The following ACOT7 variants were observed in gnomAD, a reference collection of about 807,000 sequenced individuals.
ACOT7 encodes the protein acyl-CoA thioesterase 7.
ACOT7 carries 12 observed loss-of-function variants against 40.2 expected under a neutral mutation model. The observed-to-expected ratio is 0.30, with a 90% CI of 0.19 to 0.48. ACOT7 has a LOEUF of 0.48. Ranked by LOEUF, ACOT7 falls within the 20% of genes least tolerant of loss-of-function variation. The pLI, the probability that ACOT7 is intolerant of heterozygous loss-of-function variation, is 0.99. For missense variants in ACOT7, 395 were observed against 530.8 expected (o/e 0.74, Z 2.51); for synonymous variants, 228 against 219.5 (o/e 1.04, Z -0.34).
chr1:6,389,394 GA>G (rs1642496725), intron 1 of ACOT7, among the ~76,000 whole-genome samples: 1 of 152,114 alleles, frequency 6.6e-6, no homozygotes, highest in Admixed American at 6.6e-5. Flanking sequence ...GGTTATTCCA[GA>G]GCTGGCTACA....
rs1242609997 is a variant in ACOT7 at position 6,307,012 on chromosome 1, T to C, written c.712+11480A>G. 2.9e-6 allele frequency: 3 copies of C among 1,028,190 alleles called. No homozygotes were observed. In the African/African-American group the frequency reaches 5.0e-5, roughly 17 times the overall value. 63.7% of individuals were successfully genotyped at this position (1,028,190 alleles called of 1,614,324 possible). A position where few individuals can be genotyped will look rare whatever the true frequency, so the allele number is the denominator to read the frequency against. On this transcript the variant is annotated intron_variant, in intron 6 of 8. Coordinates refer to ENST00000361521, the MANE Select transcript of ACOT7 (RefSeq NM_007274.4). ...GCCTTCCCTTTCCTCTGCCTCCTCCTATAGTCTCAGGCTAAGCTGTGCTGT... is the reference window on the plus strand; with the variant it reads ...GCCTTCCCTTTCCTCTGCCTCCTCCCATAGTCTCAGGCTAAGCTGTGCTGT...
chr1:6,334,119 A>G (rs1234915647), intron 3 of ACOT7, among the ~76,000 whole-genome samples: 1 of 152,188 alleles, frequency 6.6e-6, no homozygotes, highest in South Asian at 2.1e-4. Flanking sequence ...CCTCCCAGAC[A>G]GAGGGGAAGG....
chr1:6,292,674 T>G (rs894346382), intron 7 of ACOT7, among the ~76,000 whole-genome samples: 14 of 148,986 alleles, frequency 9.4e-5, no homozygotes, highest in Non-Finnish European at 2.1e-4. Context: ...TGTTTTTTTT[T>G]TGTTTTTTTG....
At chr1:6,376,996 T>C (rs1642245306) in intron 1 of ACOT7, among the ~76,000 whole-genome samples, 1 of 152,202 alleles carries the variant, frequency 6.6e-6, no homozygotes, top group Non-Finnish European at 1.5e-5. Flanking sequence ...CAACACCTTA[T>C]GTCATTTGGA....
At chr1:6,347,043 G>A (rs74049534) in intron 2 of ACOT7, among the ~76,000 whole-genome samples, 1 of 152,168 alleles carries the variant, frequency 6.6e-6, no homozygotes, top group African/African-American at 2.4e-5. Flanking sequence ...GGCTGGCCAA[G>A]AGGCCCCAGC....
In ACOT7 at chr1:6,392,558, T is replaced by C. The variant is rs1642549995; in HGVS notation, c.143+699A>G. On this transcript the variant is annotated intron_variant, in intron 1 of 8. Transcript: ENST00000361521. Reference sequence around the variant, plus strand: ...TACCTGGTGGAAGAAGAGGGGGTGCTCTAGAAGGACAACCCTTTGCCTCTA... The same window carrying C: ...TACCTGGTGGAAGAAGAGGGGGTGCCCTAGAAGGACAACCCTTTGCCTCTA... Among the ~76,000 whole-genome samples, 3 of 152,270 alleles carry C rather than the reference T, an allele frequency of 2.0e-5. 1 individual carries two copies. The highest frequency in any genetic ancestry group is 4.2e-4 in the South Asian group (2 of 4,814).
chr1:6,352,697 C>T lies in ACOT7; in HGVS notation c.144-2831G>A, dbSNP rs1169030692. ...AGCTCCGCCTCCTGGGTTCTCCTGCCTCAGCCTCCCGAGTAGCTGGCACTA... is the reference window on the plus strand; with the variant it reads ...AGCTCCGCCTCCTGGGTTCTCCTGCTTCAGCCTCCCGAGTAGCTGGCACTA... On this transcript the variant is annotated intron_variant, in intron 1 of 8. Transcript: ENST00000361521. The surrounding 1 kb of genome is among the most constrained non-coding windows in gnomAD (Gnocchi z 4.5). 1.9e-4 allele frequency among the ~76,000 whole-genome samples: 28 copies of T among 149,544 alleles called. No individual in the cohort carries two copies. Among genetic ancestry groups the T allele is most frequent in the African/African-American group, 6.4e-4 (26 of 40,588 alleles).
chr1:6,345,524 A>G (rs565253384), intron 2 of ACOT7, among the ~76,000 whole-genome samples: 2 of 152,348 alleles, frequency 1.3e-5, no homozygotes, highest in Admixed American at 6.5e-5. Flanking sequence ...GGGATAACGA[A>G]TGGGAAGAAC....
intron 1 of ACOT7, among the ~76,000 whole-genome samples, chr1:6,387,220 A>G (rs904885763): frequency 3.3e-5 from 5 of 151,686 alleles, no homozygotes; most frequent in Admixed American, 6.6e-5. Flanking sequence ...CGACATCACA[A>G]CTGGGCCCGC....
At chr1:6,375,438 C>T (rs191486966) in intron 1 of ACOT7, among the ~76,000 whole-genome samples, 27 of 152,010 alleles carry the variant, frequency 1.8e-4, no homozygotes, top group Non-Finnish European at 3.7e-4. Flanking sequence ...GAGGTAGACG[C>T]GGGCGGATCA....
intron 8 of ACOT7, among the ~76,000 whole-genome samples, chr1:6,267,026 C>A (rs1463437347): frequency 6.6e-6 from 1 of 152,206 alleles, no homozygotes; most frequent in East Asian, 1.9e-4. Context: ...GGCTCGGGTC[C>A]TCCCTCTAGC....
intron 7 of ACOT7, among the ~76,000 whole-genome samples, chr1:6,291,021 G>A (rs1322910517): frequency 6.6e-6 from 1 of 152,198 alleles, no homozygotes; most frequent in African/African-American, 2.4e-5. Flanking sequence ...CACAGAGACA[G>A]AGGCAGCTTG....
At chr1:6,343,874 GGCA>G (rs1297518815) in intron 2 of ACOT7, among the ~76,000 whole-genome samples, 1 of 152,246 alleles carries the variant, frequency 6.6e-6, no homozygotes, top group Non-Finnish European at 1.5e-5. Context: ...GCTGGTTTCT[GGCA>G]GCATCTGTGG....
intron 8 of ACOT7, among the ~76,000 whole-genome samples, chr1:6,270,298 G>A (rs1356444896): frequency 2.0e-5 from 3 of 152,228 alleles, no homozygotes. Flanking sequence ...TGTTTTTAAT[G>A]GAGGGTTGGG....
chr1:6,304,205 A>T (rs1381238449), intron 6 of ACOT7, among the ~76,000 whole-genome samples: 1 of 151,772 alleles, frequency 6.6e-6, no homozygotes, highest in Non-Finnish European at 1.5e-5. Flanking sequence ...GCTCCTTTTG[A>T]AGGGTTTGTG....
chr1:6,384,755 G>A (rs1392342969), intron 1 of ACOT7, among the ~76,000 whole-genome samples: 3 of 151,692 alleles, frequency 2.0e-5, no homozygotes, highest in Admixed American at 6.6e-5. Flanking sequence ...TAGCATACTA[G>A]ACACTCTTAG....
chr1:6,376,535 T>C (rs1259514455), intron 1 of ACOT7, among the ~76,000 whole-genome samples: 2 of 151,730 alleles, frequency 1.3e-5, no homozygotes, highest in East Asian at 1.9e-4. Context: ...GAGACCAGCC[T>C]AGCCAACATG....
intron 2 of ACOT7, among the ~76,000 whole-genome samples, chr1:6,341,917 C>A (rs1641288147): frequency 6.6e-6 from 1 of 152,166 alleles, no homozygotes; most frequent in African/African-American, 2.4e-5. Flanking sequence ...TCGGACTCCG[C>A]ATCTACAACC....
At chr1:6,329,869 C>A (rs1268542506) in intron 4 of ACOT7, among the ~76,000 whole-genome samples, 6 of 152,194 alleles carry the variant, frequency 3.9e-5, no homozygotes, top group Non-Finnish European at 5.9e-5. Context: ...GCTGCGGCTG[C>A]CCCTCTGGTC....
Sources: allele counts gnomAD v4.1 joint callset (sites outside exome capture counted in the v4.1 genomes callset), GRCh38; gene constraint gnomAD v4.1.1; non-coding constraint Gnocchi (gnomAD v3.1); transcripts MANE v1.5; gene names NCBI Gene and HGNC (gene_info 2026-07-23, HGNC 2026-07-21).